PFKP: variants seen among roughly 807,000 people sequenced by gnomAD.
PFKP encodes the protein ATP-dependent 6-phosphofructokinase, platelet type.
A neutral mutation model predicts 94.3 loss-of-function variants in PFKP; 101 were observed. The ratio of observed to expected loss-of-function variants is 1.07; its 90% confidence interval spans 0.91 to 1.26. The LOEUF is 1.26. Ranked by LOEUF, PFKP falls within the 50% of genes most tolerant of loss-of-function variation. The pLI, the probability that PFKP is intolerant of heterozygous loss-of-function variation, is 0.00. For synonymous variants in PFKP, 573 were observed against 432.6 expected (o/e 1.32, Z -4.03); for missense variants, 1,145 against 1,103.3 (o/e 1.04, Z -0.53).
chr10:3,100,312 G>A (rs1834873077), intron 3 of PFKP, among the ~76,000 whole-genome samples: 1 of 152,088 alleles, frequency 6.6e-6, no homozygotes, highest in Admixed American at 6.6e-5. Context: ...CTTGCCTTGG[G>A]GGTTGGGTTG....
Position 3,101,423 on chromosome 10 carries a change from T to G in PFKP, c.323T>G (p.Leu108Arg), listed in dbSNP as rs765104002. The G allele has an allele frequency of 6.2e-6, 10 of 1,607,680 alleles. 1 individual carries two copies. The South Asian group carries it at 1.1e-4, about 18-fold the overall frequency. Reference sequence around the variant, plus strand: ...GCCTTCCGCACGCGGGAAGGCCGCCTGAAGGCTGCTTGCAACCTGCTGCAG... The same window carrying G: ...GCCTTCCGCACGCGGGAAGGCCGCCGGAAGGCTGCTTGCAACCTGCTGCAG... ...CQAFRTREGR[L>R]KAACNLLQRG... The change falls in exon 4 of 22, where the codon CTG (leucine) becomes CGG (arginine). Residue 108 changes from leucine (L) to arginine (R), a missense_variant. By Grantham distance (102) the Leu-to-Arg change is moderately radical. This residue lies in a region of PFKP where 1,119 missense variants were observed against 1,062.8 expected (regional missense o/e 1.05). Transcript: ENST00000381125.
rs142206121 is a variant in PFKP, at chr10:3,122,476, G to A, written c.1683+2432G>A. On this transcript the variant is annotated intron_variant, in intron 16 of 21. Transcript: ENST00000381125. ...CCCTGTTTACTGACGGCCGAACAGT[G>A]TGAATCCTGAGAAGGTTTGGATTTG... 4.6e-4 allele frequency among the ~76,000 whole-genome samples: 70 copies of A among 152,362 alleles called. No homozygotes were observed. In the East Asian group the frequency reaches 0.011, roughly 24 times the overall value.
At chr10:3,071,415 C>T (rs1832169833) in intron 1 of PFKP, among the ~76,000 whole-genome samples, 1 of 134,466 alleles carries the variant, frequency 7.4e-6, no homozygotes, top group African/African-American at 2.9e-5. Context: ...TGGATATCTT[C>T]TGTCTCAGGC....
chr10:3,129,247 C>T (rs1242427730), intron 16 of PFKP: 2 of 152,228 alleles, frequency 1.3e-5, no homozygotes, highest in East Asian at 1.9e-4. Flanking sequence ...GGAAGACTTC[C>T]CCAGGTGCCT....
chr10:3,098,952 G>A (rs116419385), intron 2 of PFKP, among the ~76,000 whole-genome samples: 5,491 of 152,284 alleles, frequency 0.036, 267 homozygotes, highest in African/African-American at 0.11. Context: ...AACACGTTGG[G>A]TGAAAGTGAC....
intron 13 of PFKP, among the ~76,000 whole-genome samples, chr10:3,116,133 A>AATATATATAT (rs140713081): frequency 1.8e-4 from 27 of 151,076 alleles, no homozygotes; most frequent in Admixed American, 5.3e-4. Flanking sequence ...GGTTCTGTCA[A>AATATATATAT]ATATATATAT....
intron 19 of PFKP, among the ~76,000 whole-genome samples, 191 bp from the exon 20 acceptor site, chr10:3,134,292 C>A (rs539699219): frequency 1.3e-5 from 2 of 152,158 alleles, no homozygotes; most frequent in African/African-American, 4.8e-5. Flanking sequence ...TCTTACTGAG[C>A]GGGGGGAACA....
chr10:3,119,923 C>G lies in PFKP; in HGVS notation c.1562C>G (p.Ala521Gly). The change falls in exon 16 of 22, where the codon GCC becomes GGC. Residue 521 changes from alanine (A) to glycine (G), a missense_variant. By Grantham distance (60) the Ala-to-Gly change is moderately conservative. Transcript: ENST00000381125. The part of the protein sequence containing the change: ...AYLGLLELSA[A>G]REKHEEFCVP... ...CTGGGACTCCTGGAGCTGTCAGCCG[C>G]CCGGGAGAAGCACGAGGAGTTCTGT... The G allele has an allele frequency of 1.2e-6, 2 of 1,614,132 alleles. No individual in the cohort carries two copies. Among genetic ancestry groups the G allele is most frequent in the Admixed American group, 3.3e-5 (2 of 60,024 alleles).
chr10:3,068,995 G>T (rs1251741222), intron 1 of PFKP, among the ~76,000 whole-genome samples: 8 of 151,466 alleles, frequency 5.3e-5, no homozygotes, highest in African/African-American at 1.9e-4. Context: ...CGGGGCGGGC[G>T]CGGGTGCCGC....
chr10:3,082,963 G>A (rs1042195223), intron 2 of PFKP, among the ~76,000 whole-genome samples: 4 of 152,138 alleles, frequency 2.6e-5, no homozygotes, highest in African/African-American at 9.7e-5. Flanking sequence ...CACCCGCCTT[G>A]GCCTCCCAAA....
chr10:3,132,348 T>G (rs780170318), intron 17 of PFKP, 32 bp from the exon 18 acceptor site: 1 of 1,526,232 alleles, frequency 6.6e-7, no homozygotes, highest in Non-Finnish European at 9.1e-7. Flanking sequence ...AGTAGAAGTT[T>G]ATTGTCTGAT....
At chr10:3,119,490 A>G (rs1238192026) in intron 15 of PFKP, among the ~76,000 whole-genome samples, 1 of 152,098 alleles carries the variant, frequency 6.6e-6, no homozygotes, top group Non-Finnish European at 1.5e-5. Context: ...CTGTAGTCCC[A>G]GCTACCCGGG....
intron 16 of PFKP, chr10:3,125,237 T>G: frequency 7.6e-7 from 1 of 1,319,294 alleles, no homozygotes; most frequent in South Asian, 1.3e-5. Context: ...CTGGCCTGAA[T>G]GCTGTTGTTG....
At chr10:3,084,373 A>G (rs931794835) in intron 2 of PFKP, among the ~76,000 whole-genome samples, 2 of 152,168 alleles carry the variant, frequency 1.3e-5, no homozygotes, top group Non-Finnish European at 2.9e-5. Flanking sequence ...AATGGTTGCT[A>G]CTATTATTCT....
intron 17 of PFKP, among the ~76,000 whole-genome samples, chr10:3,131,707 CCT>C (rs2131720934): frequency 6.6e-6 from 1 of 152,304 alleles, no homozygotes; most frequent in African/African-American, 2.4e-5. Context: ...AATCTATCCG[CCT>C]TGGCCTCCCA....
chr10:3,095,442 G>A (rs1478318628), intron 2 of PFKP, among the ~76,000 whole-genome samples: 1 of 152,156 alleles, frequency 6.6e-6, no homozygotes, highest in African/African-American at 2.4e-5. Context: ...AGATGTGATC[G>A]AATGACTCAA....
intron 6 of PFKP, 116 bp from the exon 7 acceptor site, chr10:3,105,277 C>T: frequency 7.8e-7 from 1 of 1,289,426 alleles, no homozygotes; most frequent in Non-Finnish European, 1.1e-6. Flanking sequence ...AAGGGGCCGG[C>T]ATCCCGCTTC....
intron 16 of PFKP, among the ~76,000 whole-genome samples, chr10:3,125,980 A>G (rs1837904788): frequency 6.6e-6 from 1 of 152,218 alleles, no homozygotes; most frequent in Non-Finnish European, 1.5e-5. Context: ...AGGGACCCAC[A>G]GCAAAGCAGA....
chr10:3,136,374 T>G, intron 21 of PFKP, 76 bp from the exon 22 acceptor site: 1 of 1,522,218 alleles, frequency 6.6e-7, no homozygotes, highest in Non-Finnish European at 9.1e-7. Flanking sequence ...GCAAGACCGC[T>G]CGCTGTGCTG....
Sources: gnomAD v4.1 joint callset for allele counts (sites outside exome capture counted in the v4.1 genomes callset) on GRCh38, gnomAD v4.1.1 for gene constraint, gnomAD v4.1.1 regional missense constraint, MANE v1.5 for transcripts, NCBI Gene and HGNC (gene_info 2026-07-23, HGNC 2026-07-21) for gene names.